Variants in DNAH10 observed in about 807,000 individuals in gnomAD.
DNAH10 encodes the protein axonemal beta dynein heavy chain 10.
DNAH10 carries 348 observed loss-of-function variants against 506.6 expected under a neutral mutation model. The ratio of observed to expected loss-of-function variants is 0.69; its 90% CI spans 0.63 to 0.75. The LOEUF is 0.75. Ranked by LOEUF, DNAH10 falls within the 30% of genes least tolerant of loss-of-function variation. DNAH10 has a pLI of 0.00. For synonymous variants in DNAH10, 2,059 were observed against 2,198.6 expected (o/e 0.94, Z 1.78); for missense variants, 5,179 against 5,787.1 (o/e 0.89, Z 3.41).
intron 10 of DNAH10, 67 bp downstream of exon 10, chr12:123,788,069 C>G: frequency 6.5e-7 from 1 of 1,528,932 alleles, no homozygotes. Context: ...ACAGTGGCCC[C>G]CTCCGTGTCA....
chr12:123,922,609 A>T (rs1313672996), intron 65 of DNAH10, among the ~76,000 whole-genome samples: 3 of 152,226 alleles, frequency 2.0e-5, no homozygotes, highest in African/African-American at 7.2e-5. Context: ...GGCTTAAGCA[A>T]CAGAAATTTA....
intron 10 of DNAH10, among the ~76,000 whole-genome samples, chr12:123,788,439 T>C (rs1248434819): frequency 1.3e-5 from 2 of 152,176 alleles, no homozygotes; most frequent in Non-Finnish European, 2.9e-5. Flanking sequence ...ACAGCACTTG[T>C]CTCCTAAAGG....
Position 123,928,405 on chromosome 12 carries a change from G to A in DNAH10, c.12124G>A (p.Glu4042Lys). The change falls in exon 70 of 79, where the codon GAG becomes AAG. Residue 4042 changes from glutamate to lysine, a missense_variant. Physicochemically the swap from Glu to Lys is moderately conservative, Grantham distance 56. Coordinates refer to ENST00000673944, the MANE Select transcript of DNAH10 (RefSeq NM_001372106.1). This position sits in a 1 kb window ranked among gnomAD's most constrained non-coding sequence, Gnocchi z 4.9. ...GQEKVALQLLETAVARGQWLM... is the reference protein window; with the variant it reads ...GQEKVALQLLKTAVARGQWLM... ...GGCGCAGGTGGCCCTGCAGCTGCTG[G>A]AGACGGCGGTGGCTCGGGGGCAGTG... The A allele has an allele frequency of 6.2e-7, 1 of 1,603,292 alleles. No homozygotes were observed. Among genetic ancestry groups the A allele is most frequent in the East Asian group, 2.2e-5 (1 of 44,474 alleles).
chr12:123,935,172 T>G (rs1346176802), intron 78 of DNAH10, among the ~76,000 whole-genome samples, 163 bp from the exon 79 acceptor site: 1 of 152,202 alleles, frequency 6.6e-6, no homozygotes, highest in Non-Finnish European at 1.5e-5. Context: ...CAGGTCCCCG[T>G]GAAGCTGGCG....
At chr12:123,782,678 T>G (rs1228668425) in intron 6 of DNAH10, among the ~76,000 whole-genome samples, 2 of 152,032 alleles carry the variant, frequency 1.3e-5, no homozygotes, top group African/African-American at 4.8e-5. Context: ...TCTCAAAGTG[T>G]TGAGATTACA....
chr12:123,834,178 G>A (rs1269608471), intron 27 of DNAH10, among the ~76,000 whole-genome samples: 1 of 152,076 alleles, frequency 6.6e-6, no homozygotes, highest in Non-Finnish European at 1.5e-5. Context: ...GCTCTTATGT[G>A]GGATATAGCA....
intron 45 of DNAH10, among the ~76,000 whole-genome samples, chr12:123,873,336 CATGCGACA>C (rs1281537755): frequency 6.6e-6 from 1 of 152,216 alleles, no homozygotes; most frequent in African/African-American, 2.4e-5. Flanking sequence ...CCAAGGCTCA[CATGCGACA>C]ATTCGCTATT....
Position 123,820,706 on chromosome 12 carries a change from A to G in DNAH10, c.4127A>G (p.Gln1376Arg). The G allele has an allele frequency of 6.2e-7, 1 of 1,614,018 alleles. No individual in the cohort carries two copies. Among genetic ancestry groups the G allele is most frequent in the Non-Finnish European group, 8.5e-7 (1 of 1,179,896 alleles). Residue 1376 changes from glutamine to arginine, a missense_variant, in exon 24 of 79, where the codon CAG becomes CGG. Physicochemically the swap from Gln to Arg is conservative, Grantham distance 43. Coordinates refer to ENST00000673944, the MANE Select transcript of DNAH10 (RefSeq NM_001372106.1). ...ITMYPELLKV[Q>R]KEMSGLRMIY... ...ATGTACCCAGAGCTGCTGAAAGTGCAGAAGGAAATGAGTGGGCTGAGGATG... is the reference window on the plus strand; with the variant it reads ...ATGTACCCAGAGCTGCTGAAAGTGCGGAAGGAAATGAGTGGGCTGAGGATG...
In DNAH10 at chr12:123,919,722, T is replaced by G. The variant is rs575879960; in HGVS notation, c.11506+773T>G. 6.6e-6 allele frequency among the ~76,000 whole-genome samples: 1 copy of G among 152,354 alleles called. No homozygotes were observed. The highest frequency in any genetic ancestry group is 1.9e-4 in the East Asian group (1 of 5,192). The stretch of plus-strand genomic sequence containing the variant: ...TCAATGGCATCATACGGTGTGTGAC[T>G]TCATGACTGGTATCTTTCACTCCAC... On this transcript the variant is annotated intron_variant, in intron 65 of 78. Coordinates refer to ENST00000673944, the MANE Select transcript of DNAH10 (RefSeq NM_001372106.1). The surrounding 1 kb of genome is among the most constrained non-coding windows in gnomAD (Gnocchi z 4.9).
At chr12:123,841,277 A>G (rs201508044) in intron 29 of DNAH10, 45 bp from the exon 30 acceptor site, 42 of 1,600,690 alleles carry the variant, frequency 2.6e-5, no homozygotes, top group Non-Finnish European at 3.2e-5. Context: ...CTTTGATTCC[A>G]GAACTCCGTG....
intron 36 of DNAH10, among the ~76,000 whole-genome samples, chr12:123,854,543 G>T (rs1404137136): frequency 6.6e-6 from 1 of 152,156 alleles, no homozygotes; most frequent in Admixed American, 6.5e-5. Context: ...TTAGAAGAAT[G>T]AAAACACATT....
chr12:123,876,445 C>T (rs1254047204), intron 47 of DNAH10, among the ~76,000 whole-genome samples: 1 of 151,950 alleles, frequency 6.6e-6, no homozygotes, highest in Non-Finnish European at 1.5e-5. Flanking sequence ...CTAGCCTGGT[C>T]AACATAGCAA....
At chr12:123,929,788 G>A (rs1955121549) in intron 72 of DNAH10, 29 bp downstream of exon 72, 2 of 1,588,452 alleles carry the variant, frequency 1.3e-6, no homozygotes, top group Non-Finnish European at 1.7e-6. Flanking sequence ...CCTTCCGCAG[G>A]TGCCTCTGGG....
At chr12:123,877,703 G>A (rs936481328) in intron 47 of DNAH10, 33 bp from the exon 48 acceptor site, 1 of 1,552,066 alleles carries the variant, frequency 6.4e-7, no homozygotes, top group South Asian at 1.1e-5. Context: ...AAGGACATTT[G>A]TGTGTTGGGG....
At chr12:123,879,202 C>A in intron 48 of DNAH10, 62 bp from the exon 49 acceptor site, 1 of 1,407,058 alleles carries the variant, frequency 7.1e-7, no homozygotes, top group Non-Finnish European at 9.8e-7. Flanking sequence ...AATGTCACAG[C>A]CGTCAGCCCT....
At chr12:123,864,143 CTTTT>C (rs770676668) in intron 39 of DNAH10, among the ~76,000 whole-genome samples, 2 of 117,168 alleles carry the variant, frequency 1.7e-5, no homozygotes, top group Non-Finnish European at 1.7e-5. Flanking sequence ...ACTTTTTTTT[CTTTT>C]TTTTTTTTTT....
chr12:123,854,467 T>G (rs971444348), intron 36 of DNAH10, among the ~76,000 whole-genome samples: 4 of 152,198 alleles, frequency 2.6e-5, no homozygotes, highest in Non-Finnish European at 5.9e-5. Flanking sequence ...TTGTTTTCTT[T>G]TACTGCCTTA....
At chr12:123,767,027 T>G (rs892027879) in intron 1 of DNAH10, among the ~76,000 whole-genome samples, 6 of 151,688 alleles carry the variant, frequency 4.0e-5, no homozygotes, top group African/African-American at 1.5e-4. Context: ...TGCATCAGCC[T>G]CCCAAGTAGC....
At chr12:123,886,824 C>T (rs550082283) in intron 51 of DNAH10, among the ~76,000 whole-genome samples, 2 of 152,290 alleles carry the variant, frequency 1.3e-5, no homozygotes, top group East Asian at 1.9e-4. Flanking sequence ...TTTCCTGTCA[C>T]GAAGTTAAAG....
Sources: gnomAD v4.1 joint callset for allele counts (sites outside exome capture counted in the v4.1 genomes callset) on GRCh38, gnomAD v4.1.1 for gene constraint, Gnocchi (gnomAD v3.1) non-coding constraint, MANE v1.5 for transcripts, NCBI Gene and HGNC (gene_info 2026-07-23, HGNC 2026-07-21) for gene names.